MAD1L1: variants seen among roughly 807,000 people sequenced by gnomAD.
MAD1L1 encodes mitotic spindle assembly checkpoint protein MAD1.
MAD1L1 carries 95 observed loss-of-function variants against 96.9 expected under a neutral mutation model. The ratio of observed to expected loss-of-function variants is 0.98; its 90% CI spans 0.83 to 1.16. The LOEUF (loss-of-function observed/expected upper bound fraction) is 1.16. Ranked by LOEUF, MAD1L1 falls within the 50% of genes most tolerant of loss-of-function variation. The probability of loss-of-function intolerance (pLI) is 0.00; values close to 1 mark genes in which losing one functional copy is unlikely to be tolerated. For missense variants in MAD1L1, 1,007 were observed against 954.4 expected, an observed-to-expected ratio of 1.06 and a Z score of -0.73; for synonymous variants, 473 against 396.6, an observed-to-expected ratio of 1.19 and a Z score of -2.29.
At chr7:2,155,216 C>G (rs1023641789) in intron 10 of MAD1L1, among the ~76,000 whole-genome samples, 18 of 152,236 alleles carry the variant, frequency 1.2e-4, no homozygotes, top group South Asian at 4.1e-4. Flanking sequence ...CTGCCACGCT[C>G]TTCCAAGAGG....
At chr7:2,016,452 C>T (rs1018195531) in intron 12 of MAD1L1, among the ~76,000 whole-genome samples, 1 of 152,210 alleles carries the variant, frequency 6.6e-6, no homozygotes, top group Non-Finnish European at 1.5e-5. Context: ...GGGTCCCTTC[C>T]GTGCGGCCTC....
intron 10 of MAD1L1, among the ~76,000 whole-genome samples, chr7:2,193,818 C>T (rs553999379): frequency 1.3e-5 from 2 of 152,270 alleles, no homozygotes; most frequent in East Asian, 1.9e-4. Context: ...AAGGCCACAC[C>T]GTCGCCCAAC....
chr7:1,999,464 T>A (rs1781694914), intron 14 of MAD1L1, among the ~76,000 whole-genome samples: 1 of 152,140 alleles, frequency 6.6e-6, no homozygotes, highest in Non-Finnish European at 1.5e-5. Flanking sequence ...TCCCCATGAC[T>A]GTGTCTGCTG....
At chr7:2,034,990 G>T (rs1163674816) in intron 12 of MAD1L1, among the ~76,000 whole-genome samples, 1 of 152,262 alleles carries the variant, frequency 6.6e-6, no homozygotes, top group Non-Finnish European at 1.5e-5. Flanking sequence ...CTGAGGCCCA[G>T]CAGCACAGGG....
chr7:2,114,274 A>G lies in MAD1L1; in HGVS notation c.1073+34878T>C, dbSNP rs1191572323. Among the ~76,000 whole-genome samples the G allele has an allele frequency of 6.6e-6, 1 of 152,216 alleles. No individual in the cohort carries two copies. Among genetic ancestry groups the G allele is most frequent in the Non-Finnish European group, 1.5e-5 (1 of 68,028 alleles). On this transcript the variant is annotated intron_variant, in intron 11 of 18. Coordinates refer to ENST00000265854, the MANE Select transcript of MAD1L1 (RefSeq NM_001013836.2). The surrounding 1 kb of genome is among the most constrained non-coding windows in gnomAD (Gnocchi z 4.2). ...GGCCGGATGGTAATGACTCATCCCA[A>G]AGGCCATCTCAACACACCTCGGGCG...
At chr7:2,041,113 TCCTGTCGGAAAAAG>T (rs1783654113) in intron 12 of MAD1L1, among the ~76,000 whole-genome samples, 2 of 152,060 alleles carry the variant, frequency 1.3e-5, no homozygotes, top group South Asian at 4.1e-4. Flanking sequence ...CCCCCAGAGT[TCCTGTCGGAAAAAG>T]CTCAAGGCTG....
intron 18 of MAD1L1, chr7:1,847,304 T>A (rs1484978245): frequency 1.3e-5 from 6 of 471,072 alleles, no homozygotes; most frequent in Non-Finnish European, 4.4e-6. Context: ...CAGGAGCCGC[T>A]GGATTACAGA....
chr7:2,090,617 G>C (rs1485037982), intron 11 of MAD1L1, among the ~76,000 whole-genome samples: 2 of 152,202 alleles, frequency 1.3e-5, no homozygotes, highest in African/African-American at 4.8e-5. Context: ...CCTCTCATTT[G>C]TCAGCCTTTC....
intron 11 of MAD1L1, among the ~76,000 whole-genome samples, chr7:2,083,886 A>C (rs971208832): frequency 1.3e-4 from 20 of 152,242 alleles, no homozygotes; most frequent in African/African-American, 4.6e-4. Context: ...GGCCGGCTGC[A>C]GGATGCTCCC....
At chr7:2,086,331 C>T (rs879770477) in intron 11 of MAD1L1, among the ~76,000 whole-genome samples, 3 of 152,244 alleles carry the variant, frequency 2.0e-5, no homozygotes, top group Non-Finnish European at 4.4e-5. Flanking sequence ...CCCTCGCTCA[C>T]ACCACAGCCA....
At chr7:1,970,985 G>A (rs1780378646) in intron 15 of MAD1L1, among the ~76,000 whole-genome samples, 1 of 152,208 alleles carries the variant, frequency 6.6e-6, no homozygotes, top group Non-Finnish European at 1.5e-5. Context: ...CGCTAATACA[G>A]TAGATATCCT....
Position 1,952,768 on chromosome 7 carries a change from C to A in MAD1L1, c.1596+4861G>T, listed in dbSNP as rs555534197. On this transcript the variant is annotated intron_variant, in intron 16 of 18. Coordinates refer to ENST00000265854, the MANE Select transcript of MAD1L1 (RefSeq NM_001013836.2). ...CCCGAGGCCACCAGGTAACACCAGG[C>A]CCATCGTCCCGGTCCAGAGGCCACA... Among the ~76,000 whole-genome samples, 5 of 152,352 alleles carry A rather than the reference C, an allele frequency of 3.3e-5. No individual in the cohort carries two copies. The South Asian group carries it at 1.0e-3, about 32-fold the overall frequency.
chr7:1,888,610 ATG>A (rs1293144818), intron 18 of MAD1L1, among the ~76,000 whole-genome samples: 3 of 150,144 alleles, frequency 2.0e-5, no homozygotes, highest in Non-Finnish European at 4.4e-5. Flanking sequence ...CTGCCTATGC[ATG>A]TGTGAGCATG....
At position 2,109,072 on chromosome 7, in the gene MAD1L1, G is replaced by A. The variant is rs188287533; in HGVS notation, c.1074-39734C>T. ...CCCCGCACCCGCTCTGCAGCTCAGA[G>A]CTGCTCACCCTCAGCTCTGGGTCCT... On this transcript the variant is annotated intron_variant, in intron 11 of 18. Transcript: ENST00000265854. 4.1e-4 allele frequency among the ~76,000 whole-genome samples: 62 copies of A among 152,342 alleles called. No homozygotes were observed. The East Asian group carries it at 0.011, about 28-fold the overall frequency.
At chr7:2,033,123 C>A (rs1466548078) in intron 12 of MAD1L1, among the ~76,000 whole-genome samples, 1 of 152,248 alleles carries the variant, frequency 6.6e-6, no homozygotes, top group Non-Finnish European at 1.5e-5. Flanking sequence ...CCCAGCACCC[C>A]ACTCATACAC....
chr7:1,944,520 G>A (rs1254369683), intron 16 of MAD1L1, among the ~76,000 whole-genome samples: 4 of 152,190 alleles, frequency 2.6e-5, no homozygotes, highest in East Asian at 1.9e-4. Flanking sequence ...AGCTCTCCAC[G>A]GGGAGGACAA....
At chr7:2,115,457 G>A (rs990891448) in intron 11 of MAD1L1, among the ~76,000 whole-genome samples, 9 of 144,920 alleles carry the variant, frequency 6.2e-5, no homozygotes, top group East Asian at 2.0e-4. Flanking sequence ...CGCGTGTTCC[G>A]GGGTCAGAGG....
At chr7:1,947,750 C>T (rs533945803) in intron 16 of MAD1L1, among the ~76,000 whole-genome samples, 4 of 152,364 alleles carry the variant, frequency 2.6e-5, no homozygotes, top group African/African-American at 4.8e-5. Context: ...CAAGCCCAGG[C>T]GAGGGTCACA....
chr7:2,165,302 G>A (rs1173314982), intron 10 of MAD1L1, among the ~76,000 whole-genome samples: 1 of 152,342 alleles, frequency 6.6e-6, no homozygotes, highest in Admixed American at 6.5e-5. Context: ...ATGAAGGGCT[G>A]GACTGGGGGG....
Sources: gnomAD v4.1 joint callset for allele counts (sites outside exome capture counted in the v4.1 genomes callset) on GRCh38, gnomAD v4.1.1 for gene constraint, Gnocchi (gnomAD v3.1) non-coding constraint, MANE v1.5 for transcripts, NCBI Gene and HGNC (gene_info 2026-07-23, HGNC 2026-07-21) for gene names.